Variants in CDK11B observed in about 807,000 individuals in gnomAD.
The protein encoded by CDK11B is cyclin-dependent kinase 11B.
Under a neutral mutation model 84.0 loss-of-function variants are expected in CDK11B, and 37 were observed. The observed-to-expected ratio is 0.44, with a 90% CI of 0.34 to 0.58. The LOEUF is 0.58. Among genes scored for constraint, CDK11B ranks in the 20% least tolerant of loss-of-function variants. The probability of loss-of-function intolerance (pLI) is 0.02; values close to 1 mark genes in which losing one functional copy is unlikely to be tolerated. For synonymous variants in CDK11B, 269 were observed against 309.8 expected (o/e 0.87, Z 1.38); for missense variants, 427 against 834.0 (o/e 0.51, Z 6.01).
intron 3 of CDK11B, among the ~76,000 whole-genome samples, chr1:1,655,157 G>A (rs1642574065): frequency 6.6e-6 from 1 of 152,080 alleles, no homozygotes; most frequent in Non-Finnish European, 1.5e-5. Context: ...CAGAAAGAAG[G>A]GGCAAGGGTC....
Position 1,636,724 on chromosome 1 carries a change from G to A in CDK11B, c.1875C>T (p.Phe625=), listed in dbSNP as rs373048979. 1.7e-5 allele frequency: 27 copies of A among 1,613,850 alleles called. No individual in the cohort carries two copies. Among genetic ancestry groups the A allele is most frequent in the Non-Finnish European group, 2.1e-5 (25 of 1,179,876 alleles). ...FGELLTQKPL[F]PGKSEIDQIN... is the part of the protein sequence containing the mutation. ...TCTGATCGATTTCTGACTTCCCGGG[G>A]AACAGAGGCTTCTGAGTCAGCAGCT... The change falls in exon 17 of 20, where the codon TTC becomes TTT. Residue 625 remains phenylalanine (F), a synonymous_variant. Coordinates refer to ENST00000341832, the MANE Select transcript of CDK11B (RefSeq NM_033486.3).
rs1491275354 is a variant in CDK11B, at chr1:1,657,926, A to AAAG, written c.-13-429_-13-428insCTT. 1.6e-3 allele frequency among the ~76,000 whole-genome samples: 183 copies of AAAG among 113,304 alleles called. 2 individuals carry two copies. Among genetic ancestry groups the AAAG allele is most frequent in the African/African-American group, 6.7e-3 (177 of 26,504 alleles). The allele number at this position is 113,304 out of a possible 152,430, so 74.3% of individuals were successfully genotyped here. A position where few individuals can be genotyped will look rare whatever the true frequency, so the allele number is the denominator to read the frequency against. ...TTAAAAAAAAAAAAAAAAAAAAAAA[A>AAAG]GTAAGCTCTAGGCTGAGGCGGGTGG... On this transcript the variant is annotated intron_variant, in intron 1 of 19. Coordinates refer to ENST00000341832, the MANE Select transcript of CDK11B (RefSeq NM_033486.3).
At chr1:1,655,080 C>A (rs1642564888) in intron 3 of CDK11B, among the ~76,000 whole-genome samples, 2 of 152,164 alleles carry the variant, frequency 1.3e-5, no homozygotes, top group Non-Finnish European at 2.9e-5. Context: ...AGCCACCACA[C>A]CTGGCCTGTG....
At chr1:1,652,640 T>C in intron 3 of CDK11B, 74 bp from the exon 4 acceptor site, 1 of 1,157,754 alleles carries the variant, frequency 8.6e-7, no homozygotes, top group Non-Finnish European at 1.1e-6. Context: ...ATAAGGTTTC[T>C]TCAACCCAGA....
intron 4 of CDK11B, among the ~76,000 whole-genome samples, chr1:1,650,706 CTA>C (rs1641900083): frequency 7.3e-6 from 1 of 137,626 alleles, no homozygotes; most frequent in East Asian, 2.1e-4. Flanking sequence ...CAGGGTCTCG[CTA>C]TATTGGCCAG....
chr1:1,643,616 G>A (rs570542279), intron 6 of CDK11B, among the ~76,000 whole-genome samples: 34 of 146,470 alleles, frequency 2.3e-4, no homozygotes, highest in East Asian at 9.7e-4. Context: ...AGAAAATGAC[G>A]CGTGAACACG....
chr1:1,656,692 A>G (rs1396966215), intron 2 of CDK11B, among the ~76,000 whole-genome samples: 1 of 152,168 alleles, frequency 6.6e-6, no homozygotes, highest in Non-Finnish European at 1.5e-5. Context: ...TGGGAGGCTG[A>G]GGCAGGAGAA....
intron 17 of CDK11B, 37 bp downstream of exon 17, chr1:1,636,645 C>T (rs1639343997): frequency 6.2e-7 from 1 of 1,612,190 alleles, no homozygotes; most frequent in Non-Finnish European, 8.5e-7. Flanking sequence ...AACTCCTCCA[C>T]AACCCCACAG....
In CDK11B at chr1:1,637,825, G is replaced by A; in HGVS notation, c.1401C>T (p.Ile467=). 1 of 1,613,452 alleles carries A rather than the reference G, an allele frequency of 6.2e-7. No homozygotes were observed. Among genetic ancestry groups the A allele is most frequent in the African/African-American group, 1.3e-5 (1 of 74,912 alleles). ...KMEKEKEGFP[I]TSLREINTIL... is the part of the protein sequence containing the mutation. ...TGGTGTTGATCTCCCTCAGCGACGT[G>A]ATCGGGAAGCCCTCCTTCTCCTTCT... The change falls in exon 13 of 20, where the codon ATC becomes ATT. Residue 467 remains isoleucine, a synonymous_variant. Transcript: ENST00000341832.
intron 2 of CDK11B, 52 bp downstream of exon 2, chr1:1,657,323 A>C (rs1287696857): frequency 1.2e-6 from 2 of 1,613,072 alleles, no homozygotes; most frequent in Non-Finnish European, 1.7e-6. Context: ...AATGAGGGCA[A>C]AGAAATTAAA....
At chr1:1,648,765 T>C (rs1217294636) in intron 5 of CDK11B, among the ~76,000 whole-genome samples, 2 of 152,162 alleles carry the variant, frequency 1.3e-5, no homozygotes, top group Non-Finnish European at 2.9e-5. Context: ...TTCAAGGTTT[T>C]TAGGATCTCC....
At position 1,635,461 on chromosome 1, in the gene CDK11B, C is replaced by T. The variant is rs1639161510; in HGVS notation, c.*303G>A. On this transcript the variant is annotated 3_prime_UTR_variant, in exon 20 of 20. Transcript: ENST00000341832. ...CTCCCACCAGTTCCTTTCCAAATCA[C>T]GGCCCAGCCAGCCCCGTGCGTGTCG... 8.7e-6 allele frequency: 2 copies of T among 230,582 alleles called. No individual in the cohort carries two copies. The highest frequency in any genetic ancestry group is 4.4e-5 in the South Asian group (1 of 22,722). 14.3% of individuals were successfully genotyped at this position (230,582 alleles called of 1,614,324 possible). A position where few individuals can be genotyped will look rare whatever the true frequency, so the allele number is the denominator to read the frequency against.
At position 1,654,972 on chromosome 1, in the gene CDK11B, A is replaced by G. The variant is rs192237936; in HGVS notation, c.227+397T>C. Among the ~76,000 whole-genome samples, 399 of 151,960 alleles carry G rather than the reference A, an allele frequency of 2.6e-3. 1 individual carries two copies. The highest frequency in any genetic ancestry group is 9.4e-3 in the African/African-American group (390 of 41,430). On this transcript the variant is annotated intron_variant, in intron 3 of 19. Coordinates refer to ENST00000341832, the MANE Select transcript of CDK11B (RefSeq NM_033486.3). ...CGCGCCCGGCCTTTTTTTCCTTTTA[A>G]GACGGGGTTTCACCATGTTGGCTAG...
intron 11 of CDK11B, 22 bp downstream of exon 11, chr1:1,640,255 C>T (rs28394074): frequency 0.055 from 87,879 of 1,611,090 alleles, 5,086 homozygotes; most frequent in East Asian, 0.31. Flanking sequence ...GACAGTGGCC[C>T]GGGGCGAGGG....
intron 13 of CDK11B, 30 bp from the exon 14 acceptor site, chr1:1,637,543 C>G (rs1261306885): frequency 1.2e-6 from 2 of 1,610,300 alleles, no homozygotes; most frequent in African/African-American, 2.7e-5. Flanking sequence ...GGGTGCTGGG[C>G]ACCTCCAGGC....
chr1:1,637,480 A>T lies in CDK11B; in HGVS notation c.1498T>A (p.Tyr500Asn). The change falls in exon 14 of 20, where the codon TAC (tyrosine) becomes AAC (asparagine). Residue 500 changes from tyrosine to asparagine, a missense_variant. Transcript: ENST00000341832. ...TGCTCCACATAGTTCATCACGATGT[A>T]GATCTTGTCCATGTTGCTGCCCACC... ...IVVGSNMDKI[Y>N]IVMNYVEHDL... The T allele has an allele frequency of 6.2e-7, 1 of 1,613,696 alleles. No homozygotes were observed. The highest frequency in any genetic ancestry group is 8.5e-7 in the Non-Finnish European group (1 of 1,179,672).
intron 3 of CDK11B, among the ~76,000 whole-genome samples, chr1:1,654,905 A>G (rs1324773828): frequency 2.8e-4 from 39 of 137,294 alleles, no homozygotes; most frequent in Non-Finnish European, 3.8e-4. Flanking sequence ...TGATCCGCCC[A>G]CCTCGGCCTC....
Position 1,636,973 on chromosome 1 carries a change from C to T in CDK11B, c.1724G>A (p.Gly575Glu). ...CGGGGTGTAGGCCTTCAGAGGGGATCCGTACTCCCGCGCCAGCCCGAAGTC... is the reference window on the plus strand; with the variant it reads ...CGGGGTGTAGGCCTTCAGAGGGGATTCGTACTCCCGCGCCAGCCCGAAGTC... ...VGDFGLAREY[G>E]SPLKAYTPVV... The change falls in exon 16 of 20, where the codon GGA becomes GAA. Residue 575 changes from glycine (G) to glutamate (E), a missense_variant. This residue lies in a region of CDK11B where 170 missense variants were observed against 196.0 expected (regional missense o/e 0.87). Coordinates refer to ENST00000341832, the MANE Select transcript of CDK11B (RefSeq NM_033486.3). The T allele has an allele frequency of 2.5e-6, 4 of 1,610,968 alleles. No individual in the cohort carries two copies. Among genetic ancestry groups the T allele is most frequent in the Non-Finnish European group, 3.4e-6 (4 of 1,178,372 alleles).
chr1:1,653,947 G>A (rs1165598393), intron 3 of CDK11B, among the ~76,000 whole-genome samples: 1 of 151,918 alleles, frequency 6.6e-6, no homozygotes, highest in Admixed American at 6.6e-5. Context: ...AGCTGGAGGT[G>A]GCAGTGAGCC....
Sources: allele counts gnomAD v4.1 joint callset (sites outside exome capture counted in the v4.1 genomes callset), GRCh38; gene constraint gnomAD v4.1.1; regional missense constraint gnomAD v4.1.1; transcripts MANE v1.5; gene names NCBI Gene and HGNC (gene_info 2026-07-23, HGNC 2026-07-21).